GNAQ: variants seen among roughly 807,000 people sequenced by gnomAD.
GNAQ encodes G protein subunit alpha q.
GNAQ carries 8 observed loss-of-function variants against 43.9 expected under a neutral mutation model. The observed-to-expected ratio is 0.18, with a 90% confidence interval of 0.11 to 0.33. The LOEUF (loss-of-function observed/expected upper bound fraction) is 0.33, where lower values mean the gene tolerates loss of function less well. GNAQ is among the 10% of genes least tolerant of loss of function. The probability of loss-of-function intolerance (pLI) is 1.00; values close to 1 mark genes in which losing one functional copy is unlikely to be tolerated. For missense variants in GNAQ, 158 were observed against 450.8 expected (o/e 0.35, Z 5.88); for synonymous variants, 155 against 170.7 (o/e 0.91, Z 0.71).
chr9:77,790,665 C>CAA (rs1826553678), intron 5 of GNAQ, among the ~76,000 whole-genome samples: 1 of 152,176 alleles, frequency 6.6e-6, no homozygotes, highest in South Asian at 2.1e-4. Flanking sequence ...TACTTCCACC[C>CAA]TCTTTGCTGC....
chr9:77,960,195 T>C (rs1823090278), intron 1 of GNAQ, among the ~76,000 whole-genome samples: 1 of 152,180 alleles, frequency 6.6e-6, no homozygotes. Flanking sequence ...TATTTTTGTA[T>C]TGCATTTTTT....
chr9:77,827,470 A>G (rs564720983), intron 2 of GNAQ, among the ~76,000 whole-genome samples: 11 of 150,784 alleles, frequency 7.3e-5, no homozygotes, highest in African/African-American at 2.7e-4. Flanking sequence ...GTTCTTAGCT[A>G]TATATTTATT....
At chr9:77,894,492 G>A (rs1828467920) in intron 2 of GNAQ, among the ~76,000 whole-genome samples, 1 of 148,504 alleles carries the variant, frequency 6.7e-6, no homozygotes, top group African/African-American at 2.5e-5. Context: ...CTGTGATCTA[G>A]GCTCACTGCA....
In GNAQ at chr9:77,718,660, A is replaced by C. The variant is rs1825260708; in HGVS notation, c.*2663T>G. On this transcript the variant is annotated 3_prime_UTR_variant, in exon 7 of 7. Coordinates refer to ENST00000286548, the MANE Select transcript of GNAQ (RefSeq NM_002072.5). The stretch of plus-strand genomic sequence containing the variant: ...GAATATCTTGATTCCCTAAAACTGT[A>C]ACACTTATGATCTTGTGATGAGGTT... The C allele has an allele frequency of 4.3e-6, 1 of 231,232 alleles. No individual in the cohort carries two copies. Among genetic ancestry groups the C allele is most frequent in the East Asian group, 6.1e-5 (1 of 16,330 alleles). 14.3% of individuals were successfully genotyped at this position (231,232 alleles called of 1,614,324 possible).
chr9:77,859,303 C>T (rs947500276), intron 2 of GNAQ, among the ~76,000 whole-genome samples: 2 of 152,126 alleles, frequency 1.3e-5, no homozygotes, highest in Non-Finnish European at 2.9e-5. Context: ...TCTTACAGTA[C>T]ATTTAGAAGA....
chr9:77,955,913 C>T lies in GNAQ; in HGVS notation c.137-33568G>A, dbSNP rs901106414. On this transcript the variant is annotated intron_variant, in intron 1 of 6. Transcript: ENST00000286548. Reference sequence around the variant, plus strand: ...ATGACAGGAATCACTTATTTCAAGACCAAGAGGTGATGTTTCTCTTCCGAT... The same window carrying T: ...ATGACAGGAATCACTTATTTCAAGATCAAGAGGTGATGTTTCTCTTCCGAT... Among the ~76,000 whole-genome samples the T allele has an allele frequency of 6.6e-5, 10 of 152,110 alleles. No individual in the cohort carries two copies. The East Asian group carries it at 1.7e-3, about 26-fold the overall frequency.
At chr9:77,952,074 C>T (rs1374000527) in intron 1 of GNAQ, among the ~76,000 whole-genome samples, 1 of 152,158 alleles carries the variant, frequency 6.6e-6, no homozygotes, top group Non-Finnish European at 1.5e-5. Context: ...ATATTCAATT[C>T]CCTGTTCTTA....
chr9:77,748,260 G>A (rs1188914424), intron 5 of GNAQ, among the ~76,000 whole-genome samples: 2 of 152,096 alleles, frequency 1.3e-5, no homozygotes, highest in African/African-American at 4.8e-5. Flanking sequence ...TCTTTAGGTA[G>A]TATCTTTTTG....
At chr9:78,009,187 T>G (rs1823744144) in intron 1 of GNAQ, among the ~76,000 whole-genome samples, 1 of 152,230 alleles carries the variant, frequency 6.6e-6, no homozygotes, top group African/African-American at 2.4e-5. Flanking sequence ...AAGAAAATAC[T>G]CCTTCTCTCC....
At chr9:77,732,469 G>A (rs868643242) in intron 5 of GNAQ, among the ~76,000 whole-genome samples, 12 of 151,600 alleles carry the variant, frequency 7.9e-5, no homozygotes, top group South Asian at 4.2e-4. Context: ...GAGTTCAAGC[G>A]ATTCTCCTGC....
At position 78,031,081 on chromosome 9, in the gene GNAQ, G is replaced by T. The variant is rs749729029; in HGVS notation, c.136+19C>A. On this transcript the variant is annotated intron_variant, in intron 1 of 6. Coordinates refer to ENST00000286548, the MANE Select transcript of GNAQ (RefSeq NM_002072.5). ...GGCTGGGGGCGCAGAGGCCCGGCGG[G>T]GCCCCGGACGGTACTCACCGAGCAG... 7.6e-6 allele frequency: 11 copies of T among 1,452,358 alleles called. No individual in the cohort carries two copies. The highest frequency in any genetic ancestry group is 2.5e-4 in the Middle Eastern group (1 of 4,030). The allele number at this position is 1,452,358 out of a possible 1,614,324, so 90.0% of individuals were successfully genotyped here.
At chr9:77,752,656 A>G (rs1825828830) in intron 5 of GNAQ, among the ~76,000 whole-genome samples, 1 of 152,170 alleles carries the variant, frequency 6.6e-6, no homozygotes, top group Admixed American at 6.5e-5. Flanking sequence ...GTGTTCTTAG[A>G]TGGAAATGCC....
intron 3 of GNAQ, among the ~76,000 whole-genome samples, chr9:77,807,747 C>T (rs925702741): frequency 3.3e-5 from 5 of 152,120 alleles, no homozygotes; most frequent in Non-Finnish European, 5.9e-5. Flanking sequence ...CAGAATGCTA[C>T]TGTGTTTTAA....
chr9:77,828,187 A>T (rs2118544725), intron 2 of GNAQ, among the ~76,000 whole-genome samples: 1 of 150,770 alleles, frequency 6.6e-6, no homozygotes, highest in South Asian at 2.1e-4. Context: ...ACCTGGGTTA[A>T]TTATCATTTC....
chr9:77,738,825 T>C (rs1825610497), intron 5 of GNAQ, among the ~76,000 whole-genome samples: 1 of 152,198 alleles, frequency 6.6e-6, no homozygotes, highest in Non-Finnish European at 1.5e-5. Context: ...CTGTGAACCC[T>C]AGATGTAAAA....
intron 1 of GNAQ, among the ~76,000 whole-genome samples, chr9:77,981,004 G>C (rs1393631573): frequency 4.6e-5 from 7 of 152,168 alleles, no homozygotes; most frequent in Non-Finnish European, 1.5e-5. Context: ...TATCTGAAAG[G>C]ATATTGCCAG....
intron 2 of GNAQ, among the ~76,000 whole-genome samples, chr9:77,908,584 T>C (rs1359990700): frequency 2.6e-5 from 4 of 152,232 alleles, no homozygotes; most frequent in Admixed American, 6.5e-5. Context: ...TTGTCATTAA[T>C]GCTCACACTA....
At position 77,820,044 on chromosome 9, in the gene GNAQ, C is replaced by T. The variant is rs1365046407; in HGVS notation, c.322-4274G>A. On this transcript the variant is annotated intron_variant, in intron 2 of 6. Coordinates refer to ENST00000286548, the MANE Select transcript of GNAQ (RefSeq NM_002072.5). Reference sequence around the variant, plus strand: ...AATTACAGAATGCATATAAAATACTCGAAGAAGAGCCAGACACTTAAGGCT... The same window carrying T: ...AATTACAGAATGCATATAAAATACTTGAAGAAGAGCCAGACACTTAAGGCT... Among the ~76,000 whole-genome samples, 5 of 139,090 alleles carry T rather than the reference C, an allele frequency of 3.6e-5. No individual in the cohort carries two copies. In the East Asian group the frequency reaches 6.3e-4, roughly 17 times the overall value. 91.2% of individuals were successfully genotyped at this position (139,090 alleles called of 152,430 possible).
intron 2 of GNAQ, among the ~76,000 whole-genome samples, chr9:77,853,774 CAAAAAAAAAAAAAA>C (rs34924714): frequency 5.3e-5 from 3 of 56,744 alleles, no homozygotes; most frequent in Admixed American, 2.6e-4. Context: ...AAATTACTAC[CAAAAAAAAAAAAAA>C]AAAAAAAAAA....
Sources: allele counts gnomAD v4.1 joint callset (sites outside exome capture counted in the v4.1 genomes callset), GRCh38; gene constraint gnomAD v4.1.1; transcripts MANE v1.5; gene names NCBI Gene and HGNC (gene_info 2026-07-23, HGNC 2026-07-21).